Variants in RAPGEF2 observed in about 807,000 individuals in gnomAD.
RAPGEF2 encodes PDZ domain containing guanine nucleotide exchange factor (GEF) 1.
RAPGEF2 carries 54 observed loss-of-function variants against 186.7 expected under a neutral mutation model. The ratio of observed to expected loss-of-function variants is 0.29; its 90% CI spans 0.23 to 0.36. The LOEUF is 0.36. Ranked by LOEUF, RAPGEF2 falls within the 10% of genes least tolerant of loss-of-function variation. RAPGEF2 has a pLI of 1.00. For missense variants in RAPGEF2, 1,532 were observed against 2,045.0 expected, an observed-to-expected ratio of 0.75 and a Z score of 4.84; for synonymous variants, 712 against 705.9, an observed-to-expected ratio of 1.01 and a Z score of -0.14.
At chr4:159,108,559 T>C (rs1560969539) in intron 1 of RAPGEF2, among the ~76,000 whole-genome samples, 1 of 152,080 alleles carries the variant, frequency 6.6e-6, no homozygotes, top group Non-Finnish European at 1.5e-5. Flanking sequence ...TGAAAGAAAA[T>C]ATTGTTTGCG....
chr4:159,342,915 C>A, intron 20 of RAPGEF2, 64 bp from the exon 21 acceptor site: 2 of 1,377,660 alleles, frequency 1.5e-6, no homozygotes, highest in South Asian at 1.3e-5. Context: ...TGTTATATGT[C>A]AATAAATAAT....
chr4:159,340,658 C>G (rs1269214746), intron 19 of RAPGEF2, among the ~76,000 whole-genome samples: 1 of 136,676 alleles, frequency 7.3e-6, no homozygotes, highest in Non-Finnish European at 1.6e-5. Flanking sequence ...AAAAATACCA[C>G]CACCATCACC....
At chr4:159,315,337 A>G (rs997725761) in intron 9 of RAPGEF2, among the ~76,000 whole-genome samples, 8 of 151,646 alleles carry the variant, frequency 5.3e-5, no homozygotes, top group African/African-American at 1.9e-4. Context: ...TCAGGAGTAC[A>G]AGTGCAGGTC....
chr4:159,143,306 T>G (rs1742553985), intron 1 of RAPGEF2, among the ~76,000 whole-genome samples: 1 of 152,178 alleles, frequency 6.6e-6, no homozygotes, highest in African/African-American at 2.4e-5. Context: ...GTTTTTTTCT[T>G]TTCTGCAATA....
rs527456512 is a variant in RAPGEF2 at position 159,300,656 on chromosome 4, G to T, written c.544-3686G>T. Among the ~76,000 whole-genome samples, 7 of 152,124 alleles carry T rather than the reference G, an allele frequency of 4.6e-5. No homozygotes were observed. In the South Asian group the frequency reaches 1.5e-3, roughly 32 times the overall value. On this transcript the variant is annotated intron_variant, in intron 7 of 29. Transcript: ENST00000691494. ...ATTTTATTTTTTGAACAGAATTTCT[G>T]TTATAAATGGTGGCTACAGTCGCAA...
At chr4:159,199,210 C>T (rs545099594) in intron 3 of RAPGEF2, among the ~76,000 whole-genome samples, 57 of 152,260 alleles carry the variant, frequency 3.7e-4, no homozygotes, top group Non-Finnish European at 6.3e-4. Flanking sequence ...CACATGCACA[C>T]CCATGCCCAC....
At chr4:159,272,527 TATTA>T (rs1206538225) in intron 7 of RAPGEF2, among the ~76,000 whole-genome samples, 2 of 152,260 alleles carry the variant, frequency 1.3e-5, no homozygotes, top group Non-Finnish European at 2.9e-5. Context: ...TGCTTAATTT[TATTA>T]ATTCTTCTAA....
intron 1 of RAPGEF2, among the ~76,000 whole-genome samples, chr4:159,169,867 G>A (rs1287112106): frequency 1.3e-5 from 2 of 152,154 alleles, no homozygotes; most frequent in Non-Finnish European, 2.9e-5. Context: ...GAATAATGGT[G>A]CAGTGAACAT....
chr4:159,295,252 T>C (rs1761795747), intron 7 of RAPGEF2, among the ~76,000 whole-genome samples: 1 of 152,194 alleles, frequency 6.6e-6, no homozygotes, highest in South Asian at 2.1e-4. Flanking sequence ...GTGTTTTTCA[T>C]TGAAAGTTCT....
intron 1 of RAPGEF2, among the ~76,000 whole-genome samples, chr4:159,175,484 T>C (rs1265355499): frequency 6.6e-6 from 1 of 152,192 alleles, no homozygotes; most frequent in Non-Finnish European, 1.5e-5. Context: ...TGTTTTAAAA[T>C]AAACATTTCC....
chr4:159,323,335 T>TTC (rs1436310117), intron 10 of RAPGEF2, 124 bp from the exon 11 acceptor site: 1 of 722,056 alleles, frequency 1.4e-6, no homozygotes, highest in Non-Finnish European at 2.2e-6. Context: ...AACAGTAAAC[T>TTC]TGAGTTACTT....
chr4:159,302,415 A>AT lies in RAPGEF2; in HGVS notation c.544-1925dup, dbSNP rs538752882. ...AAAGATAATCAATAGAAATCAGTTT[A>AT]TTGTTCTCTAATTACATGTATTGAT... On this transcript the variant is annotated intron_variant, in intron 7 of 29. Transcript: ENST00000691494. Among the ~76,000 whole-genome samples, 206 of 152,314 alleles carry AT rather than the reference A, an allele frequency of 1.4e-3. 3 individuals carry two copies. Among genetic ancestry groups the AT allele is most frequent in the Non-Finnish European group, 2.2e-4 (15 of 68,008 alleles).
chr4:159,107,786 TGAAA>T (rs1738041912), intron 1 of RAPGEF2, among the ~76,000 whole-genome samples: 1 of 152,232 alleles, frequency 6.6e-6, no homozygotes, highest in African/African-American at 2.4e-5. Flanking sequence ...AGAAACGGCA[TGAAA>T]GAATATCTCT....
At chr4:159,313,645 C>T (rs1256389411) in intron 8 of RAPGEF2, among the ~76,000 whole-genome samples, 1 of 151,910 alleles carries the variant, frequency 6.6e-6, no homozygotes, top group Non-Finnish European at 1.5e-5. Context: ...TATACGTTTT[C>T]TACAAAATTA....
intron 8 of RAPGEF2, among the ~76,000 whole-genome samples, chr4:159,311,689 A>G (rs1355487319): frequency 6.6e-6 from 1 of 152,188 alleles, no homozygotes; most frequent in African/African-American, 2.4e-5. Flanking sequence ...AGTAAATACT[A>G]CATTCTAGGT....
At chr4:159,296,512 T>C (rs1404607224) in intron 7 of RAPGEF2, among the ~76,000 whole-genome samples, 3 of 152,236 alleles carry the variant, frequency 2.0e-5, no homozygotes, top group Non-Finnish European at 2.9e-5. Context: ...GTGTGCTCCC[T>C]AGCCGTTCAT....
intron 1 of RAPGEF2, among the ~76,000 whole-genome samples, chr4:159,148,073 T>C (rs1743133919): frequency 6.6e-6 from 1 of 151,324 alleles, no homozygotes; most frequent in Admixed American, 6.6e-5. Context: ...CTAAGAACTG[T>C]TTTGTTTTTA....
At chr4:159,225,939 A>G (rs1377664925) in intron 4 of RAPGEF2, among the ~76,000 whole-genome samples, 8 of 152,350 alleles carry the variant, frequency 5.3e-5, no homozygotes, top group African/African-American at 1.7e-4. Flanking sequence ...TGCCTTAAAA[A>G]AAATAAAAAC....
rs769853549 is a variant in RAPGEF2 at position 159,352,707 on chromosome 4, T to C, written c.3888T>C (p.Gly1296=). 3.3e-5 allele frequency: 53 copies of C among 1,613,786 alleles called. No individual in the cohort carries two copies. The highest frequency in any genetic ancestry group is 1.6e-4 in the Middle Eastern group (1 of 6,082). ...PRKGYTLAPS[G]TVDNFSDSGH... ...CAGGCTATACTTTGGCTCCCAGTGG[T>C]ACTGTGGATAATTTTTCAGATTCTG... is the stretch of plus-strand genomic sequence containing the variant. The change falls in exon 27 of 30, where the codon GGT becomes GGC. Residue 1296 remains glycine, a synonymous_variant. Coordinates refer to ENST00000691494, the MANE Select transcript of RAPGEF2 (RefSeq NM_001394067.2).
Sources: allele counts gnomAD v4.1 joint callset (sites outside exome capture counted in the v4.1 genomes callset), GRCh38; gene constraint gnomAD v4.1.1; transcripts MANE v1.5; gene names NCBI Gene and HGNC (gene_info 2026-07-23, HGNC 2026-07-21).